CCDC146: variants seen among roughly 807,000 people sequenced by gnomAD.
CCDC146 encodes the protein coiled-coil domain containing 146.
In CCDC146, 92 loss-of-function variants were observed where a neutral mutation model predicts 119.3. The ratio of observed to expected loss-of-function variants is 0.77; its 90% CI spans 0.65 to 0.92. The LOEUF is 0.92. Ranked by LOEUF, CCDC146 falls within the 40% of genes least tolerant of loss-of-function variation. The probability of loss-of-function intolerance (pLI) is 0.00; values close to 1 mark genes in which losing one functional copy is unlikely to be tolerated. For synonymous variants in CCDC146, 372 were observed against 371.8 expected (o/e 1.00, Z -0.01); for missense variants, 1,000 against 1,103.0 (o/e 0.91, Z 1.32).
intron 6 of CCDC146, among the ~76,000 whole-genome samples, chr7:77,258,546 G>A (rs1468186335): frequency 6.6e-6 from 1 of 152,046 alleles, no homozygotes; most frequent in Non-Finnish European, 1.5e-5. Context: ...TTACTGTGTG[G>A]CACTCAACAC....
chr7:77,221,463 C>A (rs2150462382), intron 2 of CCDC146, among the ~76,000 whole-genome samples: 1 of 152,272 alleles, frequency 6.6e-6, no homozygotes, highest in Middle Eastern at 3.4e-3. Context: ...ACTGTTTAAT[C>A]TGCTGGTGTT....
At chr7:77,277,486 C>T (rs1793671774) in intron 11 of CCDC146, among the ~76,000 whole-genome samples, 1 of 152,056 alleles carries the variant, frequency 6.6e-6, no homozygotes, top group Non-Finnish European at 1.5e-5. Context: ...GTATTTTTAG[C>T]ATTAGGAATT....
chr7:77,274,978 G>A (rs1584136722), intron 11 of CCDC146, among the ~76,000 whole-genome samples: 4 of 148,372 alleles, frequency 2.7e-5, no homozygotes, highest in Middle Eastern at 3.5e-3. Context: ...GTATACATAC[G>A]TAACTAACTT....
intron 2 of CCDC146, among the ~76,000 whole-genome samples, chr7:77,225,797 G>T (rs1792500342): frequency 2.0e-5 from 3 of 152,082 alleles, no homozygotes; most frequent in Admixed American, 2.0e-4. Flanking sequence ...ACAAAAATTA[G>T]CTTGGCATGG....
chr7:77,133,966 A>G (rs1790824880), intron 1 of CCDC146, among the ~76,000 whole-genome samples: 1 of 152,150 alleles, frequency 6.6e-6, no homozygotes, highest in Non-Finnish European at 1.5e-5. Flanking sequence ...GCAGTACACA[A>G]TCGTCCCTTG....
intron 2 of CCDC146, among the ~76,000 whole-genome samples, chr7:77,236,408 T>G (rs891070751): frequency 3.9e-5 from 6 of 152,214 alleles, no homozygotes; most frequent in Non-Finnish European, 7.3e-5. Context: ...TCGTGGGTTT[T>G]TGGAGCTGAA....
intron 2 of CCDC146, among the ~76,000 whole-genome samples, chr7:77,208,936 G>A (rs1291319213): frequency 6.6e-6 from 1 of 152,160 alleles, no homozygotes; most frequent in Non-Finnish European, 1.5e-5. Context: ...TTGGGCTGAA[G>A]GAATCCTCCT....
intron 2 of CCDC146, among the ~76,000 whole-genome samples, chr7:77,169,185 G>A (rs929897062): frequency 1.3e-5 from 2 of 151,676 alleles, no homozygotes; most frequent in Non-Finnish European, 2.9e-5. Context: ...GGATTTTTCC[G>A]ATTTTCTTAT....
At chr7:77,239,703 G>A (rs1002318447) in intron 3 of CCDC146, among the ~76,000 whole-genome samples, 7 of 152,238 alleles carry the variant, frequency 4.6e-5, no homozygotes, top group African/African-American at 1.2e-4. Context: ...TCAAATAGGA[G>A]AGGTAGCTAA....
intron 2 of CCDC146, among the ~76,000 whole-genome samples, chr7:77,197,348 ATTGACCT>A (rs1323468478): frequency 6.6e-6 from 1 of 152,266 alleles, no homozygotes; most frequent in Admixed American, 6.5e-5. Flanking sequence ...GAATCTGAAC[ATTGACCT>A]TATGATGTAG....
In CCDC146 at chr7:77,152,615, A is replaced by G. The variant is rs193248218; in HGVS notation, c.-11-15043A>G. On this transcript the variant is annotated intron_variant, in intron 1 of 18. Coordinates refer to ENST00000285871, the MANE Select transcript of CCDC146 (RefSeq NM_020879.3). ...TCCAATAGCCAATGTCCTATACAGCATTTCTTATCCCAGATTTAAATGTCT... is the reference window on the plus strand; with the variant it reads ...TCCAATAGCCAATGTCCTATACAGCGTTTCTTATCCCAGATTTAAATGTCT... 2.0e-5 allele frequency among the ~76,000 whole-genome samples: 3 copies of G among 152,242 alleles called. No individual in the cohort carries two copies. The East Asian group carries it at 5.8e-4, about 29-fold the overall frequency.
intron 17 of CCDC146, among the ~76,000 whole-genome samples, chr7:77,292,610 C>CA (rs1477833052): frequency 1.6e-5 from 2 of 123,016 alleles, no homozygotes; most frequent in African/African-American, 3.4e-5. Context: ...GAGCGAGACT[C>CA]AGTCTCAAAA....
chr7:77,250,356 G>A (rs1433798521), intron 4 of CCDC146, among the ~76,000 whole-genome samples: 2 of 152,106 alleles, frequency 1.3e-5, no homozygotes, highest in Non-Finnish European at 2.9e-5. Context: ...AACATTTCTT[G>A]CAAAGCAGGT....
intron 2 of CCDC146, among the ~76,000 whole-genome samples, chr7:77,179,907 T>C (rs540616466): frequency 2.0e-5 from 3 of 152,334 alleles, no homozygotes; most frequent in African/African-American, 7.2e-5. Context: ...CTACTTTAGA[T>C]ATACCTCCTG....
chr7:77,156,302 G>T (rs559461274), intron 1 of CCDC146, among the ~76,000 whole-genome samples: 16 of 152,262 alleles, frequency 1.1e-4, no homozygotes, highest in African/African-American at 3.9e-4. Context: ...AAACCCCATT[G>T]TTACTTTAAC....
chr7:77,144,540 A>G (rs1401335378), intron 1 of CCDC146, among the ~76,000 whole-genome samples: 1 of 151,690 alleles, frequency 6.6e-6, no homozygotes, highest in African/African-American at 2.4e-5. Flanking sequence ...TCAGTATGAT[A>G]TTGGTTGTGG....
Position 77,260,220 on chromosome 7 carries a change from A to G in CCDC146, c.970A>G (p.Thr324Ala). Reference sequence around the variant, plus strand: ...GGAATTAGCCAGAGAGAATGAAGCAACTTCATTAACTGAAAGGTTAGTTAT... The same window carrying G: ...GGAATTAGCCAGAGAGAATGAAGCAGCTTCATTAACTGAAAGGTTAGTTAT... The part of the protein sequence containing the change: ...LLELARENEA[T>A]SLTERGILDL... Residue 324 changes from threonine (T) to alanine (A), a missense_variant, in exon 8 of 19, where the codon ACT becomes GCT. By Grantham distance (58) the Thr-to-Ala change is moderately conservative. Transcript: ENST00000285871. The G allele has an allele frequency of 6.2e-7, 1 of 1,608,610 alleles. No homozygotes were observed. Among genetic ancestry groups the G allele is most frequent in the Non-Finnish European group, 8.5e-7 (1 of 1,176,508 alleles).
intron 2 of CCDC146, among the ~76,000 whole-genome samples, chr7:77,209,874 G>A (rs1030186403): frequency 1.6e-4 from 24 of 152,356 alleles, no homozygotes; most frequent in Admixed American, 3.3e-4. Flanking sequence ...TGGAGCTGGA[G>A]CAGCTGGGAC....
Position 77,196,318 on chromosome 7 carries a change from C to T in CCDC146, c.156+28494C>T, listed in dbSNP as rs1371836709. The T allele has an allele frequency of 6.2e-7, 1 of 1,614,052 alleles. No individual in the cohort carries two copies. The highest frequency in any genetic ancestry group is 1.1e-5 in the South Asian group (1 of 91,082). ...GCTTGGGTCTGATCATCATCTTAGC[C>T]TCTTTGAAGGAGGACTTGTAGCCAC... On this transcript the variant is annotated intron_variant, in intron 2 of 18. Coordinates refer to ENST00000285871, the MANE Select transcript of CCDC146 (RefSeq NM_020879.3). The surrounding 1 kb of genome is among the most constrained non-coding windows in gnomAD (Gnocchi z 4.2).
Sources: allele counts gnomAD v4.1 joint callset (sites outside exome capture counted in the v4.1 genomes callset), GRCh38; gene constraint gnomAD v4.1.1; non-coding constraint Gnocchi (gnomAD v3.1); transcripts MANE v1.5; gene names NCBI Gene and HGNC (gene_info 2026-07-23, HGNC 2026-07-21).